The following EBI3 variants were observed in gnomAD, a reference collection of about 807,000 sequenced individuals.
EBI3 encodes the protein Epstein-Barr virus induced 3, also known as interleukin-27 subunit beta.
EBI3 carries 19 observed loss-of-function variants against 21.3 expected under a neutral mutation model. That is an observed-to-expected ratio of 0.89 (90% CI 0.62 to 1.31). EBI3 has a LOEUF of 1.31. EBI3 is among the 50% of genes most tolerant of loss of function. EBI3 has a pLI of 0.00. For synonymous variants in EBI3, 154 were observed against 131.2 expected (o/e 1.17, Z -1.19); for missense variants, 331 against 314.0 (o/e 1.05, Z -0.41).
chr19:4,234,840 G>A lies in EBI3; in HGVS notation c.537+16G>A. 1 of 1,612,332 alleles carries A rather than the reference G, an allele frequency of 6.2e-7. No individual in the cohort carries two copies. The highest frequency in any genetic ancestry group is 8.5e-7 in the Non-Finnish European group (1 of 1,178,730). On this transcript the variant is annotated intron_variant, in intron 4 of 4. Transcript: ENST00000221847. Reference sequence around the variant, plus strand: ...CTTCCACCGGGTGAGGAGGATGAGGGGGAGGCTGGAAAGGGTGGTGCCTGG... The same window carrying A: ...CTTCCACCGGGTGAGGAGGATGAGGAGGAGGCTGGAAAGGGTGGTGCCTGG...
chr19:4,236,862 G>A (rs1194333120), intron 4 of EBI3, 74 bp from the exon 5 acceptor site: 17 of 1,399,774 alleles, frequency 1.2e-5, no homozygotes, highest in Admixed American at 2.7e-5. Context: ...TGCACGCTCC[G>A]TTGTGTGGTT....
intron 4 of EBI3, among the ~76,000 whole-genome samples, chr19:4,235,288 G>A (rs1237477881): frequency 1.4e-5 from 2 of 144,186 alleles, no homozygotes; most frequent in Non-Finnish European, 2.9e-5. Flanking sequence ...CAAAGTGCTG[G>A]GATTACAGGC....
chr19:4,235,677 C>T (rs1311387458), intron 4 of EBI3, among the ~76,000 whole-genome samples: 1 of 152,182 alleles, frequency 6.6e-6, no homozygotes, highest in African/African-American at 2.4e-5. Flanking sequence ...CCTGTAATCC[C>T]AGCACTTTGA....
chr19:4,231,378 A>G (rs1970781238), intron 2 of EBI3, 55 bp downstream of exon 2: 1 of 1,535,984 alleles, frequency 6.5e-7, no homozygotes, highest in Admixed American at 2.2e-5. Flanking sequence ...GAGAGCCCAG[A>G]ACTCTGGCCC....
chr19:4,234,859 T>A (rs9807908), intron 4 of EBI3, 35 bp downstream of exon 4: 109,447 of 1,608,210 alleles, frequency 0.068, 7,192 homozygotes, highest in South Asian at 0.29. Flanking sequence ...GAAAGGGTGG[T>A]GCCTGGCAGA....
At chr19:4,233,046 G>A (rs1046831177) in intron 2 of EBI3, 83 bp from the exon 3 acceptor site, 1 of 1,387,416 alleles carries the variant, frequency 7.2e-7, no homozygotes, top group Non-Finnish European at 9.4e-7. Flanking sequence ...CCTCTCCTTG[G>A]GGTCCCGGGT....
chr19:4,231,142 T>C, intron 1 of EBI3, 49 bp from the exon 2 acceptor site: 2 of 1,517,682 alleles, frequency 1.3e-6, no homozygotes, highest in Non-Finnish European at 1.8e-6. Context: ...GGGAGGGCTA[T>C]GACAATCTGG....
At chr19:4,236,794 G>A in intron 4 of EBI3, 142 bp from the exon 5 acceptor site, 4 of 958,920 alleles carry the variant, frequency 4.2e-6, no homozygotes, top group Admixed American at 3.0e-5. Flanking sequence ...TATTTGGGGT[G>A]GGGCCGCACA....
intron 4 of EBI3, among the ~76,000 whole-genome samples, chr19:4,235,341 A>T (rs980055791): frequency 2.0e-5 from 3 of 149,718 alleles, no homozygotes; most frequent in African/African-American, 7.4e-5. Flanking sequence ...ATTGATTGAA[A>T]CAAGGTCTAG....
chr19:4,237,317 A>G lies in EBI3; in HGVS notation c.*229A>G. 2.7e-6 allele frequency: 1 copy of G among 374,612 alleles called. No individual in the cohort carries two copies. The highest frequency in any genetic ancestry group is 4.7e-6 in the Non-Finnish European group (1 of 213,720). 23.2% of individuals were successfully genotyped at this position (374,612 alleles called of 1,614,324 possible). A position where few individuals can be genotyped will look rare whatever the true frequency, so the allele number is the denominator to read the frequency against. On this transcript the variant is annotated 3_prime_UTR_variant, in exon 5 of 5. Transcript: ENST00000221847. ...TCTCCTTTACCTTTACCTTTACCAC[A>G]GTGCAGGGCTGACTGAACTGTCACT...
chr19:4,234,544 C>CA (rs1181975824), intron 3 of EBI3, 123 bp from the exon 4 acceptor site: 57 of 1,450,006 alleles, frequency 3.9e-5, no homozygotes, highest in Admixed American at 1.9e-4. Flanking sequence ...GCCTGGGTGA[C>CA]AGAGTGAGAC....
chr19:4,229,545 G>T lies in EBI3; in HGVS notation c.-6G>T, dbSNP rs548772021. The T allele has an allele frequency of 3.1e-6, 5 of 1,608,804 alleles. No individual in the cohort carries two copies. The Admixed American group carries it at 6.7e-5, about 22-fold the overall frequency. Reference sequence around the variant, plus strand: ...CCCACTCCTGAGAGCAGAGCTGGCCGCAGCCATGACCCCGCAGCTTCTCCT... The same window carrying T: ...CCCACTCCTGAGAGCAGAGCTGGCCTCAGCCATGACCCCGCAGCTTCTCCT... On this transcript the variant is annotated 5_prime_UTR_variant, in exon 1 of 5. Transcript: ENST00000221847.
rs1191328020 is a variant in EBI3 at position 4,233,286 on chromosome 19, C to A, written c.358C>A (p.Pro120Thr). ...CTGGGGCTCCAGCAGCAGCTTCGTG[C>A]CTTTCATAACAGAGCACATCAGTGA... ...HPWGSSSSFV[P>T]FITEHIIKPD... The change falls in exon 3 of 5, where the codon CCT becomes ACT. Residue 120 changes from proline (P) to threonine (T), a missense_variant. Physicochemically the swap from Pro to Thr is conservative, Grantham distance 38. Transcript: ENST00000221847. 6.2e-7 allele frequency: 1 copy of A among 1,610,766 alleles called. No homozygotes were observed. Among genetic ancestry groups the A allele is most frequent in the Admixed American group, 1.7e-5 (1 of 59,800 alleles).
chr19:4,232,255 AG>A (rs1970791798), intron 2 of EBI3, among the ~76,000 whole-genome samples: 62 of 144,186 alleles, frequency 4.3e-4, no homozygotes, highest in African/African-American at 1.5e-3. Flanking sequence ...AGAAAAGAAA[AG>A]AAAAGAAAAG....
At chr19:4,232,976 G>T in intron 2 of EBI3, 153 bp from the exon 3 acceptor site, 5 of 840,698 alleles carry the variant, frequency 5.9e-6, no homozygotes, top group Non-Finnish European at 8.6e-6. Flanking sequence ...CCGGGGGGTG[G>T]CACGGCCACC....
At chr19:4,233,085 C>T (rs1239417105) in intron 2 of EBI3, 44 bp from the exon 3 acceptor site, 2 of 1,491,558 alleles carry the variant, frequency 1.3e-6, no homozygotes, top group Middle Eastern at 4.8e-4. Context: ...GTGCTGAGGC[C>T]ACAGGCACTC....
intron 4 of EBI3, among the ~76,000 whole-genome samples, chr19:4,236,231 G>A (rs530356884): frequency 2.6e-5 from 4 of 152,104 alleles, no homozygotes; most frequent in Non-Finnish European, 5.9e-5. Flanking sequence ...GCGGGCGCCT[G>A]TAATCCCAGC....
At chr19:4,232,882 C>T in intron 2 of EBI3, 2 of 424,500 alleles carry the variant, frequency 4.7e-6, no homozygotes, top group South Asian at 1.3e-4. Flanking sequence ...CCTTTAGAAT[C>T]CCGGACCCTA....
chr19:4,233,437 T>A (rs1308211779), intron 3 of EBI3, 130 bp downstream of exon 3: 22 of 1,047,822 alleles, frequency 2.1e-5, no homozygotes, highest in Non-Finnish European at 1.3e-6. Flanking sequence ...TGACCCCTTC[T>A]TCCCCCTCCT....
Sources: allele counts gnomAD v4.1 joint callset (sites outside exome capture counted in the v4.1 genomes callset), GRCh38; gene constraint gnomAD v4.1.1; transcripts MANE v1.5; gene names NCBI Gene and HGNC (gene_info 2026-07-23, HGNC 2026-07-21).